Variants in LNPEP observed in about 807,000 individuals in gnomAD.
LNPEP encodes leucyl-cystinyl aminopeptidase.
In LNPEP, 64 loss-of-function variants were observed where a neutral mutation model predicts 120.6. The observed-to-expected ratio is 0.53, with a 90% CI of 0.43 to 0.65. The LOEUF (loss-of-function observed/expected upper bound fraction) is 0.65. Among genes scored for constraint, LNPEP ranks in the 30% least tolerant of loss-of-function variants. The pLI, the probability that LNPEP is intolerant of heterozygous loss-of-function variation, is 0.00. For missense variants in LNPEP, 1,057 were observed against 1,200.0 expected (o/e 0.88, Z 1.76); for synonymous variants, 435 against 425.4 (o/e 1.02, Z -0.28).
chr5:97,015,072 A>G lies in LNPEP; in HGVS notation c.2353A>G (p.Met785Val), dbSNP rs1349163221. ...TAACCTCCTTGAAAAACTGGGATAC[A>G]TGGATCTGGCCTCAAGACTGGTGGT... is the stretch of plus-strand genomic sequence containing the variant. ...IYNLLEKLGY[M>V]DLASRLVTRV... The change falls in exon 13 of 18, where the codon ATG becomes GTG. Residue 785 changes from methionine to valine, a missense_variant. Physicochemically the swap from Met to Val is conservative, Grantham distance 21. Transcript: ENST00000231368. 4 of 1,590,304 alleles carry G rather than the reference A, an allele frequency of 2.5e-6. No individual in the cohort carries two copies. Among genetic ancestry groups the G allele is most frequent in the Admixed American group, 3.5e-5 (2 of 56,934 alleles).
chr5:96,996,374 T>G lies in LNPEP; in HGVS notation c.1408-16T>G, dbSNP rs1393474910. ...CTGTAAATATCCTGTGGGTTAATTG[T>G]TTTCTCTCCCCCCAGTGGTTTGGCA... On this transcript the variant is annotated splice_polypyrimidine_tract_variant and intron_variant, in intron 6 of 17. Coordinates refer to ENST00000231368, the MANE Select transcript of LNPEP (RefSeq NM_005575.3). 1.4e-6 allele frequency: 2 copies of G among 1,391,478 alleles called. No individual in the cohort carries two copies. The highest frequency in any genetic ancestry group is 2.0e-6 in the Non-Finnish European group (2 of 1,005,388). 86.2% of individuals were successfully genotyped at this position (1,391,478 alleles called of 1,614,324 possible).
chr5:96,975,678 A>C (rs757744180), intron 1 of LNPEP, among the ~76,000 whole-genome samples: 1 of 152,186 alleles, frequency 6.6e-6, no homozygotes, highest in Non-Finnish European at 1.5e-5. Flanking sequence ...TAGAAAAATG[A>C]AATGAAAAAA....
chr5:96,940,784 G>C (rs1190953818), intron 1 of LNPEP, among the ~76,000 whole-genome samples: 1 of 152,200 alleles, frequency 6.6e-6, no homozygotes, highest in Non-Finnish European at 1.5e-5. Flanking sequence ...TGTGGTTCTT[G>C]GCAGTCGAGG....
chr5:97,021,531 A>T (rs1203380975), intron 13 of LNPEP, among the ~76,000 whole-genome samples: 1 of 152,220 alleles, frequency 6.6e-6, no homozygotes, highest in Non-Finnish European at 1.5e-5. Flanking sequence ...ATTAACTATC[A>T]ATAAAGAAGT....
intron 1 of LNPEP, 39 bp from the exon 2 acceptor site, chr5:96,979,099 T>C: frequency 6.5e-7 from 1 of 1,530,420 alleles, no homozygotes; most frequent in Non-Finnish European, 8.7e-7. Context: ...CTTTTTTTTT[T>C]CTAACTCTGT....
chr5:96,991,149 A>G (rs1024505734), intron 4 of LNPEP, among the ~76,000 whole-genome samples: 1 of 152,194 alleles, frequency 6.6e-6, no homozygotes, highest in Non-Finnish European at 1.5e-5. Flanking sequence ...ATGAGTGAGA[A>G]CATACATACG....
At chr5:96,987,799 A>G (rs38036) in intron 4 of LNPEP, among the ~76,000 whole-genome samples, 75,593 of 152,042 alleles carry the variant, frequency 0.5, 18,988 homozygotes, top group African/African-American at 0.57. Context: ...AGGATATTAT[A>G]ACTGGCTTAA....
intron 1 of LNPEP, among the ~76,000 whole-genome samples, chr5:96,954,256 G>A (rs559315745): frequency 5.8e-4 from 88 of 152,276 alleles, no homozygotes; most frequent in South Asian, 1.7e-3. Flanking sequence ...TATAAGGTCA[G>A]CTGGCCTGAG....
intron 13 of LNPEP, among the ~76,000 whole-genome samples, chr5:97,015,350 G>GAA (rs1791042069): frequency 6.6e-6 from 1 of 152,090 alleles, no homozygotes; most frequent in African/African-American, 2.4e-5. Flanking sequence ...GGTCACATGA[G>GAA]AATAATATTT....
chr5:96,960,813 A>G (rs565873477), intron 1 of LNPEP, among the ~76,000 whole-genome samples: 5 of 240 alleles, frequency 0.021, no homozygotes, highest in South Asian at 0.1. Context: ...TAGTGAAAAA[A>G]AGAGAGTAGT....
chr5:96,954,972 C>T (rs1191646400), intron 1 of LNPEP, among the ~76,000 whole-genome samples: 14 of 148,418 alleles, frequency 9.4e-5, no homozygotes, highest in African/African-American at 3.4e-4. Flanking sequence ...TTAGTAGAGA[C>T]GGGGTTTCAC....
At chr5:97,010,235 T>C in intron 11 of LNPEP, 1 of 947,286 alleles carries the variant, frequency 1.1e-6, no homozygotes, top group East Asian at 1.2e-4. Flanking sequence ...TACTCAGACC[T>C]AAGATCTTTA....
chr5:96,969,486 G>A (rs1789809298), intron 1 of LNPEP, among the ~76,000 whole-genome samples: 1 of 151,952 alleles, frequency 6.6e-6, no homozygotes, highest in Non-Finnish European at 1.5e-5. Context: ...TAAGACGGCT[G>A]GGCTTGTTAA....
rs558388146 is a variant in LNPEP, at chr5:96,954,695, CATATAT to C, written c.19+18523_19+18528del. On this transcript the variant is annotated intron_variant, in intron 1 of 17. Coordinates refer to ENST00000231368, the MANE Select transcript of LNPEP (RefSeq NM_005575.3). ...ATATACACATATATACATATATACACATATATACATATATACACATATATATACATA... is the reference window on the plus strand; with the variant it reads ...ATATACACATATATACATATATACACACATATATACACATATATATACATA... Among the ~76,000 whole-genome samples, 439 of 47,024 alleles carry C rather than the reference CATATAT, an allele frequency of 9.3e-3. 103 individuals are homozygous for C. Among genetic ancestry groups the C allele is most frequent in the South Asian group, 0.03 (53 of 1,762 alleles). The allele number at this position is 47,024 out of a possible 152,430, so 30.8% of individuals were successfully genotyped here. A position where few individuals can be genotyped will look rare whatever the true frequency, so the allele number is the denominator to read the frequency against.
chr5:97,004,671 A>T (rs1180848626), intron 9 of LNPEP, among the ~76,000 whole-genome samples: 1 of 152,156 alleles, frequency 6.6e-6, no homozygotes, highest in Non-Finnish European at 1.5e-5. Flanking sequence ...GATCTTTCTC[A>T]TACACTCTTT....
rs571506930 is a variant in LNPEP at position 96,946,133 on chromosome 5, A to G, written c.19+9959A>G. Among the ~76,000 whole-genome samples, 365 of 152,304 alleles carry G rather than the reference A, an allele frequency of 2.4e-3. 1 individual carries two copies. The highest frequency in any genetic ancestry group is 8.5e-3 in the African/African-American group (352 of 41,568). ...CAGGAGTTTGGGCTGGCCCCCTCTT[A>G]TTAGTAGTTTCTCTGTTTTTTAAAC... On this transcript the variant is annotated intron_variant, in intron 1 of 17. Coordinates refer to ENST00000231368, the MANE Select transcript of LNPEP (RefSeq NM_005575.3).
intron 5 of LNPEP, among the ~76,000 whole-genome samples, chr5:96,993,580 G>A (rs939579186): frequency 3.9e-5 from 6 of 152,116 alleles, no homozygotes; most frequent in Non-Finnish European, 8.8e-5. Context: ...AAGGAATTAG[G>A]CATCTCTTTC....
At chr5:96,999,281 A>G (rs1790589726) in intron 8 of LNPEP, among the ~76,000 whole-genome samples, 3 of 152,202 alleles carry the variant, frequency 2.0e-5, no homozygotes, top group Admixed American at 2.0e-4. Context: ...TGAAATGGTA[A>G]AAGTTTGAAA....
rs569962450 is a variant in LNPEP, at chr5:96,961,084, A to G, written c.20-18054A>G. ...TTTTTGTTCCTGTAAAGGAAAAAGA[A>G]TATCTAGAATAAAGTAATAACTTGT... On this transcript the variant is annotated intron_variant, in intron 1 of 17. Transcript: ENST00000231368. Among the ~76,000 whole-genome samples, 17 of 152,336 alleles carry G rather than the reference A, an allele frequency of 1.1e-4. No homozygotes were observed. In the South Asian group the frequency reaches 3.5e-3, roughly 32 times the overall value.
Sources: gnomAD v4.1 joint callset for allele counts (sites outside exome capture counted in the v4.1 genomes callset) on GRCh38, gnomAD v4.1.1 for gene constraint, MANE v1.5 for transcripts, NCBI Gene and HGNC (gene_info 2026-07-23, HGNC 2026-07-21) for gene names.